The following HFM1 variants were observed in gnomAD, a reference collection of about 807,000 sequenced individuals.
HFM1 encodes the protein helicase for meiosis 1.
In HFM1, 169 loss-of-function variants were observed where a neutral mutation model predicts 192.1. The observed-to-expected ratio is 0.88, with a 90% confidence interval of 0.78 to 1.00. HFM1 has a LOEUF of 1.00. Among genes scored for constraint, HFM1 ranks in the 50% least tolerant of loss-of-function variants. HFM1 has a pLI of 0.00. For synonymous variants in HFM1, 525 were observed against 537.8 expected (o/e 0.98, Z 0.33); for missense variants, 1,661 against 1,668.0 (o/e 1.00, Z 0.07).
At chr1:91,274,661 A>G (rs758840229) in intron 33 of HFM1, 69 bp downstream of exon 33, 1 of 744,220 alleles carries the variant, frequency 1.3e-6, no homozygotes, top group Non-Finnish European at 2.3e-6. Context: ...TTCCCTGAAT[A>G]AGTGGTTACC....
In HFM1 at chr1:91,396,403, T is replaced by C. The variant is rs1263457034; in HGVS notation, c.74A>G (p.His25Arg). The C allele has an allele frequency of 2.6e-6, 4 of 1,524,238 alleles. No individual in the cohort carries two copies. Among genetic ancestry groups the C allele is most frequent in the Admixed American group, 3.5e-5 (2 of 56,722 alleles). The allele number at this position is 1,524,238 out of a possible 1,614,324, so 94.4% of individuals were successfully genotyped here. A position where few individuals can be genotyped will look rare whatever the true frequency, so the allele number is the denominator to read the frequency against. The change falls in exon 3 of 39, where the codon CAT (histidine) becomes CGT (arginine). Residue 25 changes from histidine to arginine, a missense_variant and splice_region_variant. Coordinates refer to ENST00000370425, the MANE Select transcript of HFM1 (RefSeq NM_001017975.6). The part of the protein sequence containing the change: ...FFEKPDEVEN[H>R]PDNEKSLDWF... ...ATCCAATGACTTTTCATTGTCTGGA[T>C]GGCTATATAAAATATAAAAATGTGA...
intron 13 of HFM1, among the ~76,000 whole-genome samples, chr1:91,358,964 G>C (rs1252093978): frequency 6.6e-6 from 1 of 152,172 alleles, no homozygotes; most frequent in East Asian, 1.9e-4. Context: ...TCCAGGTACG[G>C]GAGAAACTGA....
intron 30 of HFM1, among the ~76,000 whole-genome samples, chr1:91,309,858 T>A (rs1650177704): frequency 6.6e-6 from 1 of 151,434 alleles, no homozygotes; most frequent in Admixed American, 6.6e-5. Context: ...GAAAAAAATC[T>A]AAGAGACCAT....
intron 30 of HFM1, among the ~76,000 whole-genome samples, chr1:91,287,598 C>T (rs1282572782): frequency 6.6e-6 from 1 of 152,136 alleles, no homozygotes; most frequent in Non-Finnish European, 1.5e-5. Flanking sequence ...AACTAAAAAG[C>T]AGAGCACCTC....
chr1:91,385,534 A>C (rs1197951455), intron 5 of HFM1, 41 bp downstream of exon 5: 1 of 1,531,288 alleles, frequency 6.5e-7, no homozygotes, highest in Non-Finnish European at 9.0e-7. Context: ...AATGTGGTTT[A>C]GTCTGTACTC....
intron 11 of HFM1, among the ~76,000 whole-genome samples, chr1:91,376,270 T>C (rs1404848856): frequency 1.3e-5 from 2 of 152,130 alleles, no homozygotes; most frequent in Middle Eastern, 3.4e-3. Flanking sequence ...GCAATCCTTA[T>C]CTTTACATAG....
intron 13 of HFM1, among the ~76,000 whole-genome samples, chr1:91,368,504 A>G (rs1659703567): frequency 6.6e-6 from 1 of 152,210 alleles, no homozygotes; most frequent in Non-Finnish European, 1.5e-5. Flanking sequence ...ACTAAGCTTC[A>G]TAAGTGAAGG....
At chr1:91,325,412 G>A (rs1456219391) in intron 20 of HFM1, among the ~76,000 whole-genome samples, 2 of 152,212 alleles carry the variant, frequency 1.3e-5, no homozygotes, top group South Asian at 2.1e-4. Flanking sequence ...GCCCACAGGA[G>A]TGCTTACATC....
chr1:91,279,258 C>T (rs1667244274), intron 30 of HFM1, among the ~76,000 whole-genome samples: 1 of 152,114 alleles, frequency 6.6e-6, no homozygotes, highest in Non-Finnish European at 1.5e-5. Flanking sequence ...TTAAATAAAC[C>T]TAACGTTCCT....
At chr1:91,404,734 T>C (rs1196489973) in intron 1 of HFM1, 64 bp downstream of exon 1, 2 of 417,680 alleles carry the variant, frequency 4.8e-6, no homozygotes, top group African/African-American at 2.1e-5. Flanking sequence ...GGGTCCCCAC[T>C]TCCCCGCGGG....
intron 30 of HFM1, among the ~76,000 whole-genome samples, chr1:91,306,256 T>C (rs1649587180): frequency 6.6e-6 from 1 of 152,232 alleles, no homozygotes; most frequent in Non-Finnish European, 1.5e-5. Context: ...AGCTTGAACC[T>C]GGGAGGTGGA....
At chr1:91,331,698 C>T (rs1251100921) in intron 20 of HFM1, among the ~76,000 whole-genome samples, 1 of 152,174 alleles carries the variant, frequency 6.6e-6, no homozygotes, top group South Asian at 2.1e-4. Flanking sequence ...GAGTTTGAGA[C>T]TAGCCTGGCC....
chr1:91,351,527 T>C lies in HFM1; in HGVS notation c.2072+22A>G, dbSNP rs180857626. ...AAGCTATATTAGCATTAGTATCTTT[T>C]TGGAACTTTTTTTTATACTACCTGC... On this transcript the variant is annotated intron_variant, in intron 17 of 38. Coordinates refer to ENST00000370425, the MANE Select transcript of HFM1 (RefSeq NM_001017975.6). The C allele has an allele frequency of 9.1e-4, 1,144 of 1,255,156 alleles. 5 individuals carry two copies. The highest frequency in any genetic ancestry group is 4.5e-3 in the Middle Eastern group (24 of 5,298). The allele number at this position is 1,255,156 out of a possible 1,614,324, so 77.8% of individuals were successfully genotyped here.
intron 18 of HFM1, among the ~76,000 whole-genome samples, chr1:91,350,086 AAT>A (rs1276401850): frequency 1.3e-5 from 2 of 152,106 alleles, no homozygotes; most frequent in African/African-American, 4.8e-5. Context: ...ACCTAGTTGA[AAT>A]ATAAGTTTTT....
chr1:91,344,979 T>C (rs1361599555), intron 19 of HFM1, among the ~76,000 whole-genome samples: 1 of 152,148 alleles, frequency 6.6e-6, no homozygotes, highest in African/African-American at 2.4e-5. Context: ...CTCAAACTCC[T>C]GAGCTCAAGG....
intron 30 of HFM1, among the ~76,000 whole-genome samples, chr1:91,287,626 G>A (rs11484907): frequency 0.2 from 30,158 of 152,154 alleles, 3,417 homozygotes; most frequent in Non-Finnish European, 0.26. Flanking sequence ...CTAAAGGAAC[G>A]CAGTTCCTCA....
intron 13 of HFM1, among the ~76,000 whole-genome samples, chr1:91,368,979 A>C (rs1054145445): frequency 1.3e-5 from 2 of 152,244 alleles, no homozygotes; most frequent in Non-Finnish European, 2.9e-5. Flanking sequence ...CTTTAAGCCA[A>C]CAAAGATCAA....
chr1:91,389,142 T>G (rs886765687), intron 4 of HFM1, among the ~76,000 whole-genome samples: 2 of 145,794 alleles, frequency 1.4e-5, no homozygotes, highest in African/African-American at 5.1e-5. Flanking sequence ...GTTTTTTTTT[T>G]TTTTTTTTTT....
chr1:91,390,501 T>A (rs4509624), intron 4 of HFM1, among the ~76,000 whole-genome samples: 14,430 of 149,876 alleles, frequency 0.096, 726 homozygotes, highest in East Asian at 0.16. Flanking sequence ...AGGGAAAGAA[T>A]GAAAGACTGA....
Sources: gnomAD v4.1 joint callset for allele counts (sites outside exome capture counted in the v4.1 genomes callset) on GRCh38, gnomAD v4.1.1 for gene constraint, MANE v1.5 for transcripts, NCBI Gene and HGNC (gene_info 2026-07-23, HGNC 2026-07-21) for gene names.